LNX1: variants seen among roughly 807,000 people sequenced by gnomAD.
The protein encoded by LNX1 is ligand of numb-protein X 1.
Under a neutral mutation model 68.4 loss-of-function variants are expected in LNX1, and 54 were observed. That is an observed-to-expected ratio of 0.79 (90% confidence interval 0.63 to 0.99). The LOEUF (loss-of-function observed/expected upper bound fraction) is 0.99. LNX1 is among the 50% of genes least tolerant of loss of function. The probability of loss-of-function intolerance (pLI) is 0.00; values close to 1 mark genes in which losing one functional copy is unlikely to be tolerated. For synonymous variants in LNX1, 336 were observed against 350.0 expected, an observed-to-expected ratio of 0.96 and a Z score of 0.45; for missense variants, 906 against 926.4, an observed-to-expected ratio of 0.98 and a Z score of 0.29.
intron 7 of LNX1, among the ~76,000 whole-genome samples, chr4:53,480,882 T>C (rs1236317426): frequency 6.6e-6 from 1 of 152,232 alleles, no homozygotes; most frequent in Non-Finnish European, 1.5e-5. Context: ...ATGAGCTACC[T>C]TTAAGAATTT....
intron 4 of LNX1, among the ~76,000 whole-genome samples, chr4:53,506,539 A>G (rs1452660479): frequency 6.6e-6 from 1 of 152,080 alleles, no homozygotes; most frequent in African/African-American, 2.4e-5. Flanking sequence ...TCTGTGCCAC[A>G]GTTTCCTCAT....
chr4:53,503,723 C>A (rs568714582), intron 4 of LNX1, among the ~76,000 whole-genome samples: 2 of 152,332 alleles, frequency 1.3e-5, no homozygotes, highest in Non-Finnish European at 2.9e-5. Flanking sequence ...GCTGTATTAG[C>A]CCCGAACAAG....
In LNX1 at chr4:53,461,044, T is replaced by TAA. The variant is rs60909872; in HGVS notation, c.2052-4_2052-3dup. On this transcript the variant is annotated splice_polypyrimidine_tract_variant and splice_region_variant and intron_variant, in intron 10 of 10. Transcript: ENST00000263925. Reference sequence around the variant, plus strand: ...ACAGCAAGAAGAATATCACCACATCTAAAAAAAAAAACAAAACAAGATATG... The same window carrying TAA: ...ACAGCAAGAAGAATATCACCACATCTAAAAAAAAAAAAACAAAACAAGATATG... The TAA allele has an allele frequency of 3.2e-3, 3,746 of 1,165,780 alleles. 7 individuals carry two copies. The highest frequency in any genetic ancestry group is 0.023 in the African/African-American group (1,442 of 63,522). The allele number at this position is 1,165,780 out of a possible 1,614,324, so 72.2% of individuals were successfully genotyped here.
intron 2 of LNX1, among the ~76,000 whole-genome samples, chr4:53,596,821 A>G (rs779741715): frequency 1.3e-5 from 2 of 152,060 alleles, no homozygotes; most frequent in Non-Finnish European, 2.9e-5. Flanking sequence ...CTCTACTTCT[A>G]TTGAGTCACC....
chr4:53,646,976 G>GC (rs1734910862), intron 1 of LNX1, among the ~76,000 whole-genome samples: 1 of 152,244 alleles, frequency 6.6e-6, no homozygotes, highest in Non-Finnish European at 1.5e-5. Context: ...AAGGCAGGAA[G>GC]TGTCCCGGCA....
chr4:53,545,354 C>A (rs1400145806), intron 2 of LNX1, among the ~76,000 whole-genome samples: 1 of 152,236 alleles, frequency 6.6e-6, no homozygotes, highest in Non-Finnish European at 1.5e-5. Context: ...GCCCCCCAAC[C>A]TGGCCCTACT....
chr4:53,576,469 G>A (rs769339958), intron 1 of LNX1: 194 of 1,374,510 alleles, frequency 1.4e-4, no homozygotes, highest in Non-Finnish European at 1.8e-4. Context: ...CTCTTCCCAG[G>A]ACAGCCCTGC....
chr4:53,502,896 T>C (rs370608041), intron 4 of LNX1, among the ~76,000 whole-genome samples: 42 of 151,918 alleles, frequency 2.8e-4, no homozygotes, highest in African/African-American at 9.2e-4. Flanking sequence ...CTACACTCAT[T>C]CAAGTTTTAT....
chr4:53,508,038 GTCCTCTGCCGA>G lies in LNX1; in HGVS notation c.559_569del (p.Ser187ArgfsTer17). ...CCACTGGGCTGATTGCTGGCTGCCC[GTCCTCTGCCGA>G]GGACACGTAGGCAGGGTTGTCTAGG... On this transcript the variant is annotated frameshift_variant, in exon 3 of 11. Transcript: ENST00000263925. LOFTEE classifies it high-confidence loss of function. The G allele has an allele frequency of 1.9e-6, 3 of 1,614,054 alleles. No homozygotes were observed. The highest frequency in any genetic ancestry group is 2.5e-6 in the Non-Finnish European group (3 of 1,179,982).
chr4:53,622,268 A>G (rs189838081), upstream of LNX1, among the ~76,000 whole-genome samples: 1 of 152,320 alleles, frequency 6.6e-6, no homozygotes, highest in African/African-American at 2.4e-5. Flanking sequence ...TTTGCAATAA[A>G]TCCAACTTTG....
At chr4:53,646,218 G>A (rs1734878261) in intron 1 of LNX1, among the ~76,000 whole-genome samples, 1 of 151,946 alleles carries the variant, frequency 6.6e-6, no homozygotes, top group South Asian at 2.1e-4. Flanking sequence ...TGATTTTATG[G>A]CAGAGCTCCA....
rs115454401 is a variant in LNX1, at chr4:53,633,925, G to T, written c.-215+18243C>A. On this transcript the variant is annotated intron_variant, in intron 1 of 2. Coordinates refer to the LNX1 transcript ENST00000507168. ...ATGTGTGCCAGCTACTTCACAAAGGGTCTCCTAGAGTTCCTAAAATATGAT... is the reference window on the plus strand; with the variant it reads ...ATGTGTGCCAGCTACTTCACAAAGGTTCTCCTAGAGTTCCTAAAATATGAT... Among the ~76,000 whole-genome samples the T allele has an allele frequency of 6.5e-3, 984 of 152,232 alleles. 4 individuals are homozygous for T. The highest frequency in any genetic ancestry group is 0.022 in the African/African-American group (929 of 41,526).
intron 2 of LNX1, among the ~76,000 whole-genome samples, chr4:53,525,172 A>G (rs1165228405): frequency 1.3e-5 from 2 of 152,162 alleles, no homozygotes; most frequent in Non-Finnish European, 2.9e-5. Context: ...TTCGTTACAC[A>G]TTAAAAAAAA....
At chr4:53,627,716 C>A (rs1204263120) in intron 1 of LNX1, among the ~76,000 whole-genome samples, 2 of 152,198 alleles carry the variant, frequency 1.3e-5, no homozygotes, top group East Asian at 3.8e-4. Context: ...GGATGGATGC[C>A]ATATCTGTTC....
intron 2 of LNX1, among the ~76,000 whole-genome samples, chr4:53,569,846 G>T (rs1373587774): frequency 2.2e-5 from 3 of 134,778 alleles, no homozygotes; most frequent in Non-Finnish European, 4.8e-5. Flanking sequence ...ATCAAAAAGT[G>T]GGCGAAGGAC....
intron 2 of LNX1, among the ~76,000 whole-genome samples, chr4:53,610,896 T>C (rs1440506206): frequency 6.6e-6 from 1 of 151,960 alleles, no homozygotes; most frequent in African/African-American, 2.4e-5. Flanking sequence ...TACATGTCTA[T>C]AACAAGTTTG....
intron 9 of LNX1, among the ~76,000 whole-genome samples, chr4:53,470,337 T>C (rs1055679427): frequency 6.6e-6 from 1 of 152,276 alleles, no homozygotes; most frequent in African/African-American, 2.4e-5. Flanking sequence ...ATGGGACGTA[T>C]CTCAAAATAA....
intron 6 of LNX1, among the ~76,000 whole-genome samples, chr4:53,484,902 G>A (rs1724186103): frequency 6.6e-6 from 1 of 152,122 alleles, no homozygotes. Context: ...CACAAAGTCT[G>A]GCCATCACTT....
At position 53,481,753 on chromosome 4, in the gene LNX1, G is replaced by A; in HGVS notation, c.1452C>T (p.Ser484=). 6.2e-7 allele frequency: 1 copy of A among 1,613,846 alleles called. No individual in the cohort carries two copies. The highest frequency in any genetic ancestry group is 1.1e-5 in the South Asian group (1 of 91,066). ...EAGWNSNGSW[S]PGPGERSNTP... is the part of the protein sequence containing the mutation. ...TGTTGCTCCTCTCCCCTGGCCCTGG[G>A]GACCAGCTGCCATTGCTGTTCCAGC... Residue 484 remains serine, a synonymous_variant, in exon 7 of 11, where the codon TCC becomes TCT. Coordinates refer to ENST00000263925, the MANE Select transcript of LNX1 (RefSeq NM_001126328.3).
Sources: gnomAD v4.1 joint callset for allele counts (sites outside exome capture counted in the v4.1 genomes callset) on GRCh38, gnomAD v4.1.1 for gene constraint, MANE v1.5 for transcripts, NCBI Gene and HGNC (gene_info 2026-07-23, HGNC 2026-07-21) for gene names.